The following APAF1 variants were observed in gnomAD, a reference collection of about 807,000 sequenced individuals.
The protein encoded by APAF1 is apoptotic peptidase activating factor 1, also known as apoptotic protease-activating factor 1.
Under a neutral mutation model 152.4 loss-of-function variants are expected in APAF1, and 91 were observed. The ratio of observed to expected loss-of-function variants is 0.60; its 90% CI spans 0.50 to 0.71. The LOEUF (loss-of-function observed/expected upper bound fraction) is 0.71. Ranked by LOEUF, APAF1 falls within the 30% of genes least tolerant of loss-of-function variation. The pLI is 0.00. For missense variants in APAF1, 1,283 were observed against 1,472.0 expected (o/e 0.87, Z 2.10); for synonymous variants, 484 against 494.1 (o/e 0.98, Z 0.27).
chr12:98,701,218 A>C (rs1409360878), intron 17 of APAF1, among the ~76,000 whole-genome samples: 1 of 152,182 alleles, frequency 6.6e-6, no homozygotes, highest in Non-Finnish European at 1.5e-5. Flanking sequence ...AAGGAATTGG[A>C]CTATCATACT....
chr12:98,704,483 A>G (rs2097719210), intron 18 of APAF1, among the ~76,000 whole-genome samples: 2 of 152,176 alleles, frequency 1.3e-5, no homozygotes, highest in African/African-American at 4.8e-5. Flanking sequence ...AGCAAATTTT[A>G]GTGAGTTTGC....
chr12:98,683,108 T>C (rs1182739964), intron 14 of APAF1, 35 bp from the exon 15 acceptor site: 10 of 1,561,960 alleles, frequency 6.4e-6, no homozygotes, highest in Non-Finnish European at 8.8e-6. Context: ...TTGAAAATAA[T>C]GGATATTTGT....
intron 15 of APAF1, among the ~76,000 whole-genome samples, chr12:98,685,068 G>A (rs2097696548): frequency 6.6e-6 from 1 of 152,204 alleles, no homozygotes; most frequent in South Asian, 2.1e-4. Flanking sequence ...AAAGATAGAA[G>A]TGGACATGAG....
chr12:98,723,574 A>T (rs1414210023), intron 23 of APAF1, 65 bp from the exon 24 acceptor site: 30 of 1,429,208 alleles, frequency 2.1e-5, no homozygotes, highest in Non-Finnish European at 2.9e-5. Flanking sequence ...GTAGCTGATT[A>T]TGCTTTTTAA....
chr12:98,717,804 T>C (rs2097736694), intron 22 of APAF1, among the ~76,000 whole-genome samples: 1 of 152,198 alleles, frequency 6.6e-6, no homozygotes, highest in African/African-American at 2.4e-5. Flanking sequence ...CAGTGGTCAT[T>C]GGCTATCAGA....
At chr12:98,701,671 T>C (rs905923089) in intron 17 of APAF1, among the ~76,000 whole-genome samples, 3 of 152,232 alleles carry the variant, frequency 2.0e-5, no homozygotes, top group East Asian at 1.9e-4. Context: ...TAATTTTATA[T>C]TGCATGAAAT....
chr12:98,697,444 A>G (rs545077926), intron 16 of APAF1, among the ~76,000 whole-genome samples: 1 of 152,338 alleles, frequency 6.6e-6, no homozygotes, highest in Non-Finnish European at 1.5e-5. Context: ...ATAGTGTTTA[A>G]TAAATGTGTT....
At chr12:98,660,563 G>A (rs1319360846) in intron 5 of APAF1, among the ~76,000 whole-genome samples, 1 of 152,160 alleles carries the variant, frequency 6.6e-6, no homozygotes, top group African/African-American at 2.4e-5. Flanking sequence ...TAGCCAAAAG[G>A]GAGACAGCAG....
intron 17 of APAF1, among the ~76,000 whole-genome samples, chr12:98,700,340 T>C (rs2097714030): frequency 6.6e-6 from 1 of 152,218 alleles, no homozygotes; most frequent in Admixed American, 6.5e-5. Context: ...TAATAGTGAT[T>C]TCAAAAGACT....
At chr12:98,699,169 AC>A (rs1353939285) in intron 16 of APAF1, among the ~76,000 whole-genome samples, 10 of 152,182 alleles carry the variant, frequency 6.6e-5, no homozygotes, top group African/African-American at 2.2e-4. Flanking sequence ...AAGACTCTTA[AC>A]TTTTTATTTA....
intron 13 of APAF1, among the ~76,000 whole-genome samples, chr12:98,678,393 G>A (rs1455737091): frequency 2.0e-5 from 3 of 152,176 alleles, no homozygotes; most frequent in Non-Finnish European, 2.9e-5. Flanking sequence ...CGGTAGCTGG[G>A]GACAAGCAGG....
Position 98,732,398 on chromosome 12 carries a change from A to G in APAF1, c.3601-22A>G, listed in dbSNP as rs764535985. 6.2e-6 allele frequency: 10 copies of G among 1,609,512 alleles called. No individual in the cohort carries two copies. The Middle Eastern group carries it at 4.9e-4, about 79-fold the overall frequency. On this transcript the variant is annotated intron_variant, in intron 26 of 26. Coordinates refer to ENST00000551964, the MANE Select transcript of APAF1 (RefSeq NM_181861.2). Reference sequence around the variant, plus strand: ...ACAGTGTAATTACCAATCTAATGAGAATTTTATTTTTCTCTGAACAGTGGT... The same window carrying G: ...ACAGTGTAATTACCAATCTAATGAGGATTTTATTTTTCTCTGAACAGTGGT...
chr12:98,672,743 T>TTTTTA (rs931682261), intron 12 of APAF1, among the ~76,000 whole-genome samples: 5 of 152,098 alleles, frequency 3.3e-5, no homozygotes, highest in African/African-American at 7.2e-5. Context: ...GTAAATTTTA[T>TTTTTA]TTTTATTTTA....
intron 4 of APAF1, among the ~76,000 whole-genome samples, chr12:98,654,411 A>T (rs2097653719): frequency 6.6e-6 from 1 of 152,078 alleles, no homozygotes; most frequent in South Asian, 2.1e-4. Context: ...TGATTTTTAC[A>T]AATTTTATTT....
At chr12:98,706,741 G>A in intron 19 of APAF1, 131 bp downstream of exon 19, 1 of 1,053,382 alleles carries the variant, frequency 9.5e-7, no homozygotes, top group Non-Finnish European at 1.4e-6. Context: ...TATTCACCCT[G>A]GAAAAGTGCT....
At chr12:98,654,699 G>A (rs1454842711) in intron 4 of APAF1, among the ~76,000 whole-genome samples, 2 of 151,918 alleles carry the variant, frequency 1.3e-5, no homozygotes, top group African/African-American at 4.8e-5. Context: ...GAGCTGCTGT[G>A]CCTGGCCGAT....
chr12:98,666,384 T>C, intron 9 of APAF1, 27 bp downstream of exon 9: 1 of 1,599,054 alleles, frequency 6.3e-7, no homozygotes, highest in Non-Finnish European at 8.5e-7. Flanking sequence ...TTACTTTTTT[T>C]TTTCCTTTTT....
intron 4 of APAF1, 63 bp downstream of exon 4, chr12:98,649,747 A>G (rs1459048012): frequency 3.6e-6 from 5 of 1,386,784 alleles, no homozygotes; most frequent in South Asian, 2.4e-5. Context: ...ATATTATGAT[A>G]TATCAATACG....
chr12:98,713,962 T>C (rs550369448), intron 21 of APAF1, among the ~76,000 whole-genome samples: 160 of 152,336 alleles, frequency 1.1e-3, no homozygotes, highest in African/African-American at 3.8e-3. Flanking sequence ...CTCTTTATTA[T>C]TGTGAAAAAT....
Sources: allele counts gnomAD v4.1 joint callset (sites outside exome capture counted in the v4.1 genomes callset), GRCh38; gene constraint gnomAD v4.1.1; transcripts MANE v1.5; gene names NCBI Gene and HGNC (gene_info 2026-07-23, HGNC 2026-07-21).